RBFOX3: variants seen among roughly 807,000 people sequenced by gnomAD.
RBFOX3 encodes the protein RNA binding fox-1 homolog 3.
In RBFOX3, 17 loss-of-function variants were observed where a neutral mutation model predicts 48.7. The observed-to-expected ratio is 0.35, with a 90% CI of 0.24 to 0.52. The LOEUF (loss-of-function observed/expected upper bound fraction) is 0.52. Among genes scored for constraint, RBFOX3 ranks in the 20% least tolerant of loss-of-function variants. The probability of loss-of-function intolerance (pLI) is 0.94; values close to 1 mark genes in which losing one functional copy is unlikely to be tolerated. For synonymous variants in RBFOX3, 212 were observed against 209.5 expected, an observed-to-expected ratio of 1.01 and a Z score of -0.10; for missense variants, 382 against 497.5, an observed-to-expected ratio of 0.77 and a Z score of 2.21.
chr17:79,398,018 G>T (rs757542997), intron 2 of RBFOX3, among the ~76,000 whole-genome samples: 1 of 152,128 alleles, frequency 6.6e-6, no homozygotes, highest in Non-Finnish European at 1.5e-5. Context: ...TTAGGGTACA[G>T]ACAGTATCAC....
intron 1 of RBFOX3, chr17:79,603,886 G>C (rs2093767050): frequency 6.6e-6 from 1 of 152,214 alleles, no homozygotes; most frequent in East Asian, 1.9e-4. Context: ...CCTCCCCAGC[G>C]GTATGCTGCA....
chr17:79,605,566 A>C (rs1421068109), intron 1 of RBFOX3, among the ~76,000 whole-genome samples: 1 of 152,240 alleles, frequency 6.6e-6, no homozygotes, highest in Non-Finnish European at 1.5e-5. Context: ...GGCCAGGTAC[A>C]GAGCGGTTGC....
intron 2 of RBFOX3, among the ~76,000 whole-genome samples, chr17:79,384,577 A>G (rs2060329229): frequency 6.6e-6 from 1 of 152,196 alleles, no homozygotes; most frequent in Non-Finnish European, 1.5e-5. Context: ...CCAAGAATCA[A>G]GGGGCCGGAG....
intron 2 of RBFOX3, among the ~76,000 whole-genome samples, chr17:79,343,487 A>C (rs935448932): frequency 2.0e-5 from 3 of 152,160 alleles, no homozygotes; most frequent in Non-Finnish European, 4.4e-5. Flanking sequence ...ACTGCACTCC[A>C]GCCTGGGAGA....
chr17:79,207,312 T>C (rs559073010), intron 4 of RBFOX3, among the ~76,000 whole-genome samples: 1 of 152,172 alleles, frequency 6.6e-6, no homozygotes, highest in African/African-American at 2.4e-5. Flanking sequence ...AGGTACAGAG[T>C]TGAAACTTCC....
intron 1 of RBFOX3, chr17:79,600,274 G>A (rs1349893390): frequency 6.6e-6 from 1 of 152,282 alleles, no homozygotes; most frequent in Non-Finnish European, 1.5e-5. Flanking sequence ...AAACACACTT[G>A]TGCATGTGCA....
chr17:79,262,249 C>A (rs1350412001), intron 3 of RBFOX3, among the ~76,000 whole-genome samples: 1 of 152,206 alleles, frequency 6.6e-6, no homozygotes, highest in East Asian at 1.9e-4. Flanking sequence ...TGGAGGCTCC[C>A]ACAAGCCCAG....
intron 1 of RBFOX3, among the ~76,000 whole-genome samples, chr17:79,558,426 TG>T (rs1228146233): frequency 5.3e-5 from 8 of 152,206 alleles, no homozygotes; most frequent in Admixed American, 2.6e-4. Flanking sequence ...AGAGACCGGC[TG>T]GGGGCAGCTG....
At chr17:79,621,637 G>A in the RBFOX3 span, among the ~76,000 whole-genome samples, 6 of 152,152 alleles carry the variant, frequency 3.9e-5, no homozygotes, top group African/African-American at 7.2e-5. Flanking sequence ...CAGTTTCATC[G>A]GGGCATAACC....
chr17:79,262,754 C>T (rs2065999905), intron 3 of RBFOX3, among the ~76,000 whole-genome samples: 1 of 152,248 alleles, frequency 6.6e-6, no homozygotes, highest in South Asian at 2.1e-4. Context: ...ATGAGGACAG[C>T]CAGGCCAAGA....
At chr17:79,093,547 T>A (rs12602626) in intron 14 of RBFOX3, among the ~76,000 whole-genome samples, 34,970 of 127,578 alleles carry the variant, frequency 0.27, 4,219 homozygotes, top group African/African-American at 0.37. Flanking sequence ...CGTTAAAAAT[T>A]GAAAAAAAAA....
intron 2 of RBFOX3, among the ~76,000 whole-genome samples, chr17:79,449,218 A>G (rs2072979840): frequency 6.6e-6 from 1 of 152,108 alleles, no homozygotes; most frequent in African/African-American, 2.4e-5. Flanking sequence ...TTCAGCTTCT[A>G]TGAAGAAAAT....
chr17:79,422,259 G>A (rs1253761443), intron 2 of RBFOX3, among the ~76,000 whole-genome samples: 1 of 152,050 alleles, frequency 6.6e-6, no homozygotes, highest in Non-Finnish European at 1.5e-5. Flanking sequence ...CCCCGACAGC[G>A]GCAGCACAGC....
chr17:79,375,208 C>T (rs2059070761), intron 2 of RBFOX3, among the ~76,000 whole-genome samples: 1 of 152,188 alleles, frequency 6.6e-6, no homozygotes, highest in South Asian at 2.1e-4. Flanking sequence ...AGAGAAGAGT[C>T]AGTGAAGGAA....
At chr17:79,513,045 C>A (rs1027019557) in intron 1 of RBFOX3, among the ~76,000 whole-genome samples, 1 of 150,494 alleles carries the variant, frequency 6.6e-6, no homozygotes, top group Non-Finnish European at 1.5e-5. Flanking sequence ...CCATCGGGTA[C>A]GGCCCCATGG....
intron 1 of RBFOX3, among the ~76,000 whole-genome samples, chr17:79,539,258 G>T (rs889581871): frequency 6.6e-6 from 1 of 152,152 alleles, no homozygotes; most frequent in Non-Finnish European, 1.5e-5. Context: ...AGGCTGAGGT[G>T]GGAAGATCAC....
At chr17:79,570,842 G>C (rs1220750126) in intron 1 of RBFOX3, among the ~76,000 whole-genome samples, 1 of 152,216 alleles carries the variant, frequency 6.6e-6, no homozygotes, top group Non-Finnish European at 1.5e-5. Flanking sequence ...TGTGGGCCGG[G>C]CTGCTTTGCA....
intron 4 of RBFOX3, among the ~76,000 whole-genome samples, chr17:79,130,172 C>T (rs913045432): frequency 1.1e-4 from 16 of 152,126 alleles, no homozygotes; most frequent in African/African-American, 2.9e-4. Flanking sequence ...TCGGACGCCC[C>T]GCCACACTGC....
At chr17:79,566,994 C>G (rs1464257056) in intron 1 of RBFOX3, among the ~76,000 whole-genome samples, 1 of 152,104 alleles carries the variant, frequency 6.6e-6, no homozygotes, top group African/African-American at 2.4e-5. Context: ...ATGGAAGTCA[C>G]CCTGCAACCG....
Sources: allele counts gnomAD v4.1 joint callset (sites outside exome capture counted in the v4.1 genomes callset), GRCh38; gene constraint gnomAD v4.1.1; transcripts MANE v1.5; gene names NCBI Gene and HGNC (gene_info 2026-07-23, HGNC 2026-07-21).